Variants in ZNF700 observed in about 807,000 individuals in gnomAD.
ZNF700 encodes the protein zinc finger protein 700.
ZNF700 carries 38 observed loss-of-function variants against 65.3 expected under a neutral mutation model. That is an observed-to-expected ratio of 0.58 (90% CI 0.45 to 0.76). The LOEUF (loss-of-function observed/expected upper bound fraction) is 0.76. Among genes scored for constraint, ZNF700 ranks in the 30% least tolerant of loss-of-function variants. ZNF700 has a pLI of 0.00. For synonymous variants in ZNF700, 285 were observed against 290.4 expected (o/e 0.98, Z 0.19); for missense variants, 857 against 888.4 (o/e 0.96, Z 0.45).
chr19:11,950,489 C>G lies in ZNF700; in HGVS notation c.*236C>G. 1.5e-6 allele frequency: 1 copy of G among 652,454 alleles called. No individual in the cohort carries two copies. Among genetic ancestry groups the G allele is most frequent in the South Asian group, 1.7e-5 (1 of 59,492 alleles). 40.4% of individuals were successfully genotyped at this position (652,454 alleles called of 1,614,324 possible). A position where few individuals can be genotyped will look rare whatever the true frequency, so the allele number is the denominator to read the frequency against. ...AAACCCTATGAGTGTATTCTAGTTC[C>G]GTTTGATATCATGAAAGGACTTACA... On this transcript the variant is annotated 3_prime_UTR_variant, in exon 4 of 4. Coordinates refer to ENST00000254321, the MANE Select transcript of ZNF700 (RefSeq NM_144566.3).
chr19:11,946,469 C>G (rs924569886), intron 1 of ZNF700, among the ~76,000 whole-genome samples: 2 of 152,134 alleles, frequency 1.3e-5, no homozygotes, highest in African/African-American at 4.8e-5. Flanking sequence ...CCCTCATTGG[C>G]TATCTGTCCC....
intron 1 of ZNF700, among the ~76,000 whole-genome samples, chr19:11,943,507 A>AT (rs963004092): frequency 4.0e-5 from 6 of 151,814 alleles, no homozygotes; most frequent in Admixed American, 2.0e-4. Context: ...TGTTTTAGCT[A>AT]TTTTTTTTAC....
rs756376207 is a variant in ZNF700, at chr19:11,949,101, AAGAC to A, written c.1078_1081del (p.Arg360LeufsTer126). The A allele has an allele frequency of 3.7e-6, 6 of 1,612,152 alleles. No individual in the cohort carries two copies. The South Asian group carries it at 6.6e-5, about 18-fold the overall frequency. On this transcript the variant is annotated frameshift_variant, in exon 4 of 4. Transcript: ENST00000254321. LOFTEE classifies it high-confidence loss of function. ...CACACATAAGAATGAACTCTGGAGA[AAGAC>A]CTTATAAATGTAAGATATGTGGGAA...
At chr19:11,944,910 T>C (rs1159367867) in intron 1 of ZNF700, among the ~76,000 whole-genome samples, 6 of 152,230 alleles carry the variant, frequency 3.9e-5, no homozygotes, top group Admixed American at 3.3e-4. Context: ...AGTATGACTG[T>C]GGCTCCCAGC....
intron 1 of ZNF700, among the ~76,000 whole-genome samples, chr19:11,943,886 CAGG>C (rs1972921502): frequency 6.6e-6 from 1 of 152,158 alleles, no homozygotes; most frequent in Admixed American, 6.6e-5. Context: ...CCAGGTGTGA[CAGG>C]AGCAGGGCTT....
At chr19:11,932,221 G>A (rs1417930359) in intron 1 of ZNF700, among the ~76,000 whole-genome samples, 1 of 148,082 alleles carries the variant, frequency 6.8e-6, no homozygotes, top group Non-Finnish European at 1.5e-5. Context: ...ATGTGCGCCT[G>A]TAGACCCAGC....
chr19:11,945,565 G>A (rs886480071), intron 1 of ZNF700, among the ~76,000 whole-genome samples: 1 of 152,092 alleles, frequency 6.6e-6, no homozygotes, highest in African/African-American at 2.4e-5. Context: ...TGCCTGACCG[G>A]CTGGGCCCCA....
chr19:11,949,280 A>C lies in ZNF700; in HGVS notation c.1256A>C (p.Glu419Ala), dbSNP rs753973665. The change falls in exon 4 of 4, where the codon GAG becomes GCG. Residue 419 changes from glutamate to alanine, a missense_variant. Physicochemically the swap from Glu to Ala is moderately radical, Grantham distance 107. This residue lies in a region of ZNF700 where 603 missense variants were observed against 619.9 expected (regional missense o/e 0.97). Coordinates refer to ENST00000254321, the MANE Select transcript of ZNF700 (RefSeq NM_144566.3). Reference sequence around the variant, plus strand: ...ATTCACACTGGAGAGAAACCCTATGAGTGTAAGCAGTGTGGGAAAGCCTTC... The same window carrying C: ...ATTCACACTGGAGAGAAACCCTATGCGTGTAAGCAGTGTGGGAAAGCCTTC... ...ERIHTGEKPY[E>A]CKQCGKAFRS... The C allele has an allele frequency of 1.2e-6, 2 of 1,614,012 alleles. No individual in the cohort carries two copies. Among genetic ancestry groups the C allele is most frequent in the South Asian group, 2.2e-5 (2 of 91,088 alleles).
Position 11,948,937 on chromosome 19 carries a change from C to G in ZNF700, c.913C>G (p.Pro305Ala), listed in dbSNP as rs1350274862. 2.5e-6 allele frequency: 4 copies of G among 1,608,328 alleles called. No homozygotes were observed. Among genetic ancestry groups the G allele is most frequent in the African/African-American group, 1.3e-5 (1 of 74,526 alleles). ...RHERSHMGEK[P>A]YQCKECGKAF... ...TGAAAGAAGTCACATGGGAGAGAAG[C>G]CTTATCAATGCAAAGAATGTGGAAA... is the stretch of plus-strand genomic sequence containing the variant. Residue 305 changes from proline (P) to alanine (A), a missense_variant, in exon 4 of 4, where the codon CCT becomes GCT. Around this residue, in one of 3 missense-constraint regions of ZNF700, gnomAD observed 603 missense variants for 619.9 expected, o/e 0.97. Transcript: ENST00000254321.
At chr19:11,937,790 T>C (rs1972820424) in intron 1 of ZNF700, among the ~76,000 whole-genome samples, 1 of 152,112 alleles carries the variant, frequency 6.6e-6, no homozygotes, top group Non-Finnish European at 1.5e-5. Flanking sequence ...ACCTGGCCTA[T>C]AGATTTTTCT....
At chr19:11,947,710 A>G in intron 3 of ZNF700, 136 bp downstream of exon 3, 1 of 917,508 alleles carries the variant, frequency 1.1e-6, no homozygotes, top group Non-Finnish European at 1.7e-6. Context: ...CTCAAAAAAC[A>G]TATATTTAAA....
intron 1 of ZNF700, among the ~76,000 whole-genome samples, chr19:11,927,384 A>G (rs1488452199): frequency 6.6e-6 from 1 of 151,910 alleles, no homozygotes; most frequent in Non-Finnish European, 1.5e-5. Context: ...AAAGAGGTCA[A>G]GACCAACCTG....
At chr19:11,948,181 A>T in intron 3 of ZNF700, 95 bp from the exon 4 acceptor site, 2 of 1,391,806 alleles carry the variant, frequency 1.4e-6, no homozygotes, top group African/African-American at 1.5e-5. Context: ...CTACACTTTG[A>T]TGGACAGTGT....
In ZNF700 at chr19:11,949,805, G is replaced by A. The variant is rs772124345; in HGVS notation, c.1781G>A (p.Cys594Tyr). ...RTHTGEKPYE[C>Y]KQCGKAFSCA... Reference sequence around the variant, plus strand: ...CACACTGGAGAGAAACCCTATGAGTGTAAGCAATGTGGGAAAGCCTTCAGT... The same window carrying A: ...CACACTGGAGAGAAACCCTATGAGTATAAGCAATGTGGGAAAGCCTTCAGT... Residue 594 changes from cysteine (C) to tyrosine (Y), a missense_variant, in exon 4 of 4, where the codon TGT becomes TAT. Cys to Tyr is a radical substitution (Grantham distance 194). This residue lies in a region of ZNF700 where 251 missense variants were observed against 250.3 expected (regional missense o/e 1.00). Transcript: ENST00000254321. The A allele has an allele frequency of 6.2e-7, 1 of 1,613,300 alleles. No individual in the cohort carries two copies. Among genetic ancestry groups the A allele is most frequent in the Non-Finnish European group, 8.5e-7 (1 of 1,179,788 alleles).
intron 1 of ZNF700, among the ~76,000 whole-genome samples, chr19:11,928,605 G>A (rs968162963): frequency 1.1e-4 from 17 of 148,420 alleles, no homozygotes; most frequent in South Asian, 2.1e-4. Flanking sequence ...AGTGGCGGGC[G>A]CCTGTAGTCC....
rs773874739 is a variant in ZNF700, at chr19:11,925,171, G to A, written c.-40G>A. On this transcript the variant is annotated 5_prime_UTR_variant, in exon 1 of 4. It adds an upstream start codon to the 5' untranslated region. Transcript: ENST00000254321. ...GTCAGACCAGCCCGAGAGGGACCTG[G>A]TGCCTGTACCCAGGCTTCTGTCGCT... is the stretch of plus-strand genomic sequence containing the variant. 3 of 1,609,080 alleles carry A rather than the reference G, an allele frequency of 1.9e-6. No individual in the cohort carries two copies. In the East Asian group the frequency reaches 6.7e-5, roughly 36 times the overall value.
At chr19:11,942,796 G>C (rs1476329689) in intron 1 of ZNF700, among the ~76,000 whole-genome samples, 1 of 152,210 alleles carries the variant, frequency 6.6e-6, no homozygotes. Context: ...CAGGCCTGGG[G>C]TGTGGCACCG....
In ZNF700 at chr19:11,949,023, G is replaced by GT. The variant is rs750794483; in HGVS notation, c.1000dup (p.Tyr334LeufsTer2). On this transcript the variant is annotated frameshift_variant, in exon 4 of 4. Transcript: ENST00000254321. LOFTEE classifies it high-confidence loss of function. ...AAAGGACCCACTCTGGGAAAAAACCGTATGAATGTAAGCAATATGGGGAAG... is the reference window on the plus strand; with the variant it reads ...AAAGGACCCACTCTGGGAAAAAACCGTTATGAATGTAAGCAATATGGGGAAG... 1 of 1,606,538 alleles carries GT rather than the reference G, an allele frequency of 6.2e-7. No homozygotes were observed. Among genetic ancestry groups the GT allele is most frequent in the East Asian group, 2.2e-5 (1 of 44,864 alleles).
rs1350978012 is a variant in ZNF700 at position 11,948,857 on chromosome 19, A to G, written c.833A>G (p.Tyr278Cys). 3.7e-6 allele frequency: 6 copies of G among 1,606,286 alleles called. No homozygotes were observed. Among genetic ancestry groups the G allele is most frequent in the South Asian group, 2.2e-5 (2 of 89,468 alleles). ...AGAACTCACACTGGGGAGAAGCCCT[A>G]TGAATGTAGCAAATGTGATAAAGCA... ...HERTHTGEKPYECSKCDKAFH... is the reference protein window; with the variant it reads ...HERTHTGEKPCECSKCDKAFH... Residue 278 changes from tyrosine to cysteine, a missense_variant, in exon 4 of 4, where the codon TAT becomes TGT. Physicochemically the swap from Tyr to Cys is radical, Grantham distance 194 (BLOSUM62 -2). Transcript: ENST00000254321.
Sources: gnomAD v4.1 joint callset for allele counts (sites outside exome capture counted in the v4.1 genomes callset) on GRCh38, gnomAD v4.1.1 for gene constraint, gnomAD v4.1.1 regional missense constraint, MANE v1.5 for transcripts, NCBI Gene and HGNC (gene_info 2026-07-23, HGNC 2026-07-21) for gene names.